Variants in USP10 observed in about 807,000 individuals in gnomAD.
USP10 encodes ubiquitin carboxyl-terminal hydrolase 10.
In USP10, 22 loss-of-function variants were observed where a neutral mutation model predicts 84.5. That is an observed-to-expected ratio of 0.26 (90% CI 0.19 to 0.37). The LOEUF (loss-of-function observed/expected upper bound fraction) is 0.37. Among genes scored for constraint, USP10 ranks in the 10% least tolerant of loss-of-function variants. The pLI is 1.00. For missense variants in USP10, 1,019 were observed against 998.9 expected (o/e 1.02, Z -0.27); for synonymous variants, 454 against 387.6 (o/e 1.17, Z -2.01).
intron 1 of USP10, among the ~76,000 whole-genome samples, chr16:84,717,803 G>T (rs990298446): frequency 6.6e-6 from 1 of 152,134 alleles, no homozygotes; most frequent in African/African-American, 2.4e-5. Flanking sequence ...CTAGTCTCTG[G>T]TCCTCAGGTG....
At chr16:84,772,263 C>G (rs145732487) in intron 11 of USP10, among the ~76,000 whole-genome samples, 1 of 152,136 alleles carries the variant, frequency 6.6e-6, no homozygotes, top group Admixed American at 6.5e-5. Context: ...GTTGGCCAGG[C>G]TGGTCTCAAA....
intron 11 of USP10, among the ~76,000 whole-genome samples, chr16:84,771,387 T>C (rs887950493): frequency 1.3e-5 from 2 of 151,906 alleles, no homozygotes; most frequent in African/African-American, 4.8e-5. Context: ...CCCAGCTACT[T>C]GGGAGGCTGA....
intron 7 of USP10, 82 bp downstream of exon 7, chr16:84,760,028 T>A: frequency 6.4e-7 from 1 of 1,561,222 alleles, no homozygotes; most frequent in South Asian, 1.1e-5. Context: ...AAATTCAGTC[T>A]TGTTGGGAAG....
chr16:84,768,737 A>G (rs1914122146), intron 11 of USP10, among the ~76,000 whole-genome samples: 1 of 152,230 alleles, frequency 6.6e-6, no homozygotes, highest in Non-Finnish European at 1.5e-5. Context: ...GATGTCAGAG[A>G]GATTCCAGAC....
intron 10 of USP10, among the ~76,000 whole-genome samples, chr16:84,764,479 G>A (rs1913593270): frequency 6.6e-6 from 1 of 152,158 alleles, no homozygotes; most frequent in Admixed American, 6.6e-5. Context: ...AGGGGACAGG[G>A]AGCTCCTCCC....
intron 1 of USP10, among the ~76,000 whole-genome samples, chr16:84,723,525 AT>A (rs1908081462): frequency 6.6e-6 from 1 of 152,206 alleles, no homozygotes; most frequent in Admixed American, 6.5e-5. Context: ...AGTCACAATG[AT>A]TGCTATGTAG....
At chr16:84,769,657 T>C (rs1471088522) in intron 11 of USP10, among the ~76,000 whole-genome samples, 2 of 152,158 alleles carry the variant, frequency 1.3e-5, no homozygotes, top group African/African-American at 4.8e-5. Flanking sequence ...CCCTGGCTGC[T>C]GGTGCACTCT....
Position 84,744,631 on chromosome 16 carries a change from A to T in USP10, c.152-2A>T. Reference sequence around the variant, plus strand: ...TTAACTAATAGTTTTCTTTCTAAACAGGACAAGAATATCAGAGAATTGAGT... The same window carrying T: ...TTAACTAATAGTTTTCTTTCTAAACTGGACAAGAATATCAGAGAATTGAGT... On this transcript the variant is annotated splice_acceptor_variant, in intron 3 of 13. Coordinates refer to ENST00000219473, the MANE Select transcript of USP10 (RefSeq NM_005153.3). LOFTEE classifies it high-confidence loss of function. 1 of 1,591,802 alleles carries T rather than the reference A, an allele frequency of 6.3e-7. No individual in the cohort carries two copies. The highest frequency in any genetic ancestry group is 8.6e-7 in the Non-Finnish European group (1 of 1,167,032).
At chr16:84,725,265 T>G (rs1479146857) in intron 1 of USP10, among the ~76,000 whole-genome samples, 5 of 152,254 alleles carry the variant, frequency 3.3e-5, no homozygotes, top group Admixed American at 3.3e-4. Flanking sequence ...TTGCCTATTC[T>G]TGGCATTTCA....
chr16:84,767,890 A>T (rs532680358), intron 10 of USP10, among the ~76,000 whole-genome samples: 2 of 151,972 alleles, frequency 1.3e-5, no homozygotes, highest in Non-Finnish European at 2.9e-5. Context: ...CAAGTGAACA[A>T]AGGTCTCTGG....
At position 84,768,333 on chromosome 16, in the gene USP10, G is replaced by A; in HGVS notation, c.1973G>A (p.Gly658Asp). ...TTGGTGGCAAGAGAATCTGTCCAAGGTTATACCACAAAAACCAAACAAGAG... is the reference window on the plus strand; with the variant it reads ...TTGGTGGCAAGAGAATCTGTCCAAGATTATACCACAAAAACCAAACAAGAG... ...ESLVARESVQGYTTKTKQEVE... is the reference protein window; with the variant it reads ...ESLVARESVQDYTTKTKQEVE... The change falls in exon 11 of 14, where the codon GGT becomes GAT. Residue 658 changes from glycine to aspartate, a missense_variant. Transcript: ENST00000219473. The A allele has an allele frequency of 6.2e-7, 1 of 1,607,272 alleles. No individual in the cohort carries two copies. Among genetic ancestry groups the A allele is most frequent in the Non-Finnish European group, 8.5e-7 (1 of 1,176,340 alleles).
intron 4 of USP10, among the ~76,000 whole-genome samples, chr16:84,750,871 A>G (rs1039791621): frequency 2.6e-5 from 4 of 152,180 alleles, no homozygotes; most frequent in African/African-American, 9.7e-5. Flanking sequence ...TAGCAATGTC[A>G]TTTATTATGA....
At chr16:84,713,939 T>A (rs931122587) in intron 1 of USP10, among the ~76,000 whole-genome samples, 3 of 152,362 alleles carry the variant, frequency 2.0e-5, no homozygotes, top group East Asian at 3.9e-4. Flanking sequence ...TTGTCGGGGC[T>A]GCAGCACTGG....
At chr16:84,760,353 G>A in intron 8 of USP10, 78 bp downstream of exon 8, 1 of 1,293,938 alleles carries the variant, frequency 7.7e-7, no homozygotes, top group Non-Finnish European at 1.1e-6. Flanking sequence ...GTTGCTTATT[G>A]ATATTTGCCC....
intron 1 of USP10, among the ~76,000 whole-genome samples, chr16:84,730,452 A>G (rs1464031715): frequency 6.6e-6 from 1 of 152,240 alleles, no homozygotes; most frequent in Non-Finnish European, 1.5e-5. Context: ...AAACACGCTT[A>G]AAATCTATAA....
intron 1 of USP10, among the ~76,000 whole-genome samples, chr16:84,714,178 G>C (rs1299990605): frequency 6.6e-6 from 1 of 152,198 alleles, no homozygotes; most frequent in African/African-American, 2.4e-5. Flanking sequence ...GGCTTGAACA[G>C]TGCCTAGAGG....
At chr16:84,716,947 C>A (rs761110563) in intron 1 of USP10, among the ~76,000 whole-genome samples, 2 of 152,218 alleles carry the variant, frequency 1.3e-5, no homozygotes, top group Non-Finnish European at 2.9e-5. Flanking sequence ...GCCATAGGGA[C>A]AGTCACTGTG....
At chr16:84,710,786 C>T (rs1906179832) in intron 1 of USP10, among the ~76,000 whole-genome samples, 1 of 152,154 alleles carries the variant, frequency 6.6e-6, no homozygotes, top group Non-Finnish European at 1.5e-5. Flanking sequence ...CCCTGGGTGC[C>T]ACCAAGAGAC....
At chr16:84,774,437 A>G (rs1273744358) in intron 12 of USP10, among the ~76,000 whole-genome samples, 1 of 151,532 alleles carries the variant, frequency 6.6e-6, no homozygotes, top group Non-Finnish European at 1.5e-5. Context: ...ATTTGGAGAA[A>G]TCATGTTACT....
Sources: gnomAD v4.1 joint callset for allele counts (sites outside exome capture counted in the v4.1 genomes callset) on GRCh38, gnomAD v4.1.1 for gene constraint, MANE v1.5 for transcripts, NCBI Gene and HGNC (gene_info 2026-07-23, HGNC 2026-07-21) for gene names.